Variants in LAMA2 observed in about 807,000 individuals in gnomAD.
The protein encoded by LAMA2 is laminin subunit alpha 2, also known as laminin subunit alpha-2.
LAMA2 carries 269 observed loss-of-function variants against 364.8 expected under a neutral mutation model. The ratio of observed to expected loss-of-function variants is 0.74; its 90% CI spans 0.67 to 0.82. The LOEUF is 0.82. LAMA2 is among the 40% of genes least tolerant of loss of function. The probability of loss-of-function intolerance (pLI) is 0.00; values close to 1 mark genes in which losing one functional copy is unlikely to be tolerated. For missense variants in LAMA2, 3,807 were observed against 3,873.2 expected, an observed-to-expected ratio of 0.98 and a Z score of 0.45; for synonymous variants, 1,379 against 1,370.6, an observed-to-expected ratio of 1.01 and a Z score of -0.14.
chr6:129,046,655 A>ATGTATC (rs1787528240), intron 1 of LAMA2, among the ~76,000 whole-genome samples: 1 of 152,198 alleles, frequency 6.6e-6, no homozygotes, highest in Admixed American at 6.5e-5. Context: ...TGTAACCTAT[A>ATGTATC]TGTATCTGTA....
chr6:129,188,062 A>G (rs2876021), intron 10 of LAMA2, among the ~76,000 whole-genome samples: 50,030 of 151,724 alleles, frequency 0.33, 11,232 homozygotes, highest in African/African-American at 0.65. Context: ...CCTTATAGCA[A>G]AAATTAGTGC....
intron 53 of LAMA2, among the ~76,000 whole-genome samples, chr6:129,477,828 G>T (rs1003510319): frequency 6.6e-6 from 1 of 152,090 alleles, no homozygotes; most frequent in Admixed American, 6.5e-5. Context: ...CTGTAGCCCA[G>T]GCTGGAGTGC....
intron 41 of LAMA2, among the ~76,000 whole-genome samples, chr6:129,432,307 A>T (rs9492323): frequency 1.3e-5 from 2 of 152,192 alleles, no homozygotes; most frequent in African/African-American, 2.4e-5. Context: ...AGAAAAAACA[A>T]TAAGTGGCAA....
intron 1 of LAMA2, among the ~76,000 whole-genome samples, chr6:128,932,540 A>G (rs1582709895): frequency 6.6e-6 from 1 of 152,302 alleles, no homozygotes; most frequent in East Asian, 1.9e-4. Context: ...ACACCCTAAA[A>G]AAAAGGAGAA....
intron 40 of LAMA2, among the ~76,000 whole-genome samples, chr6:129,424,622 A>T (rs749209651): frequency 6.6e-6 from 1 of 152,070 alleles, no homozygotes; most frequent in Non-Finnish European, 1.5e-5. Flanking sequence ...AAAGATGCTC[A>T]ATGTTATTAG....
chr6:128,886,051 T>TG (rs1410555841), intron 1 of LAMA2, among the ~76,000 whole-genome samples: 1 of 152,192 alleles, frequency 6.6e-6, no homozygotes, highest in Non-Finnish European at 1.5e-5. Flanking sequence ...TATTGCATAG[T>TG]GGATTAAGGT....
chr6:129,445,939 C>G, intron 45 of LAMA2, 118 bp downstream of exon 45: 2 of 1,009,136 alleles, frequency 2.0e-6, no homozygotes, highest in Non-Finnish European at 3.0e-6. Context: ...TCCTTTAACT[C>G]GAAGCGATTT....
intron 4 of LAMA2, among the ~76,000 whole-genome samples, chr6:129,102,753 A>G (rs1245117495): frequency 2.0e-5 from 3 of 152,186 alleles, no homozygotes; most frequent in Non-Finnish European, 2.9e-5. Context: ...GAGCTAGTAT[A>G]TTGTCTTCAT....
intron 44 of LAMA2, among the ~76,000 whole-genome samples, chr6:129,443,747 T>C (rs1218222931): frequency 6.6e-6 from 1 of 152,090 alleles, no homozygotes; most frequent in Non-Finnish European, 1.5e-5. Context: ...ACAGTTTAAA[T>C]TGAAAGTCAA....
intron 36 of LAMA2, among the ~76,000 whole-genome samples, chr6:129,392,656 A>AT (rs1779384005): frequency 6.6e-6 from 1 of 152,258 alleles, no homozygotes; most frequent in Non-Finnish European, 1.5e-5. Context: ...CTGAGCAAAC[A>AT]TAACAATATT....
intron 35 of LAMA2, among the ~76,000 whole-genome samples, chr6:129,389,005 A>G (rs1320802055): frequency 6.6e-6 from 1 of 152,220 alleles, no homozygotes; most frequent in Admixed American, 6.5e-5. Flanking sequence ...GAGCTTTCAA[A>G]CTAATCAGCC....
intron 35 of LAMA2, among the ~76,000 whole-genome samples, chr6:129,388,235 A>G (rs777393367): frequency 4.1e-4 from 62 of 150,790 alleles, no homozygotes; most frequent in Non-Finnish European, 7.3e-4. Flanking sequence ...CAGCCTGGGC[A>G]ACAGAGCAAG....
intron 4 of LAMA2, among the ~76,000 whole-genome samples, chr6:129,127,882 TTA>T (rs1306729550): frequency 1.3e-5 from 2 of 152,178 alleles, no homozygotes; most frequent in East Asian, 3.8e-4. Context: ...ATGGAACTCT[TTA>T]TATATTTGTG....
chr6:129,206,482 C>A (rs946469892), intron 12 of LAMA2, among the ~76,000 whole-genome samples: 1 of 152,160 alleles, frequency 6.6e-6, no homozygotes, highest in Non-Finnish European at 1.5e-5. Context: ...TTAATATGAT[C>A]ACTTAATAAG....
In LAMA2 at chr6:129,279,958, CTT is replaced by C. The variant is rs1788605453; in HGVS notation, c.2451-100_2451-99del. ...GGGGTGAGAATGACCAGCCTGTACTCTTTTGTCAGAGCAGTAGTGGAGAGAGA... is the reference window on the plus strand; with the variant it reads ...GGGGTGAGAATGACCAGCCTGTACTCTTGTCAGAGCAGTAGTGGAGAGAGA... On this transcript the variant is annotated intron_variant, in intron 17 of 64. Coordinates refer to ENST00000421865, the MANE Select transcript of LAMA2 (RefSeq NM_000426.4). 3.8e-6 allele frequency: 3 copies of C among 799,740 alleles called. No homozygotes were observed. In the South Asian group the frequency reaches 4.3e-5, roughly 11 times the overall value. 49.5% of individuals were successfully genotyped at this position (799,740 alleles called of 1,614,324 possible).
intron 48 of LAMA2, among the ~76,000 whole-genome samples, chr6:129,459,532 A>G (rs556222703): frequency 3.9e-5 from 6 of 152,198 alleles, no homozygotes; most frequent in African/African-American, 1.2e-4. Context: ...AACGACACCA[A>G]TGTGGTCTCA....
At chr6:128,901,899 A>T (rs1173962010) in intron 1 of LAMA2, among the ~76,000 whole-genome samples, 3 of 152,206 alleles carry the variant, frequency 2.0e-5, no homozygotes, top group Admixed American at 6.5e-5. Flanking sequence ...TGCCAAGTGT[A>T]TTAGTCTGTT....
intron 32 of LAMA2, among the ~76,000 whole-genome samples, chr6:129,359,371 A>C (rs1226582094): frequency 6.6e-6 from 1 of 150,956 alleles, no homozygotes; most frequent in Non-Finnish European, 1.5e-5. Flanking sequence ...TATGTCGACA[A>C]ATTCATCAGT....
chr6:129,079,102 A>G (rs994194985), intron 3 of LAMA2, among the ~76,000 whole-genome samples: 27 of 152,120 alleles, frequency 1.8e-4, no homozygotes, highest in African/African-American at 4.6e-4. Context: ...CCTTCTGGCT[A>G]TTGTTCTTAA....
Sources: gnomAD v4.1 joint callset for allele counts (sites outside exome capture counted in the v4.1 genomes callset) on GRCh38, gnomAD v4.1.1 for gene constraint, MANE v1.5 for transcripts, NCBI Gene and HGNC (gene_info 2026-07-23, HGNC 2026-07-21) for gene names.